PTPRA: variants seen among roughly 807,000 people sequenced by gnomAD.
The protein encoded by PTPRA is receptor-type tyrosine-protein phosphatase alpha.
A neutral mutation model predicts 104.8 loss-of-function variants in PTPRA; 25 were observed. The observed-to-expected ratio is 0.24, with a 90% CI of 0.17 to 0.33. The LOEUF (loss-of-function observed/expected upper bound fraction) is 0.33. Among genes scored for constraint, PTPRA ranks in the 10% least tolerant of loss-of-function variants. The pLI is 1.00. For missense variants in PTPRA, 765 were observed against 1,015.3 expected (o/e 0.75, Z 3.35); for synonymous variants, 323 against 368.9 (o/e 0.88, Z 1.43).
intron 9 of PTPRA, among the ~76,000 whole-genome samples, chr20:2,988,972 G>A (rs2063024641): frequency 6.6e-6 from 1 of 152,250 alleles, no homozygotes; most frequent in Non-Finnish European, 1.5e-5. Flanking sequence ...AGTGTTTAAA[G>A]TAGACAGTGG....
intron 2 of PTPRA, among the ~76,000 whole-genome samples, chr20:2,942,896 T>A (rs1443861971): frequency 6.6e-6 from 1 of 152,074 alleles, no homozygotes; most frequent in Admixed American, 6.6e-5. Flanking sequence ...TTCCTATACA[T>A]ACATAGCTGT....
At chr20:3,001,519 A>G (rs2063625841) in intron 9 of PTPRA, among the ~76,000 whole-genome samples, 1 of 152,236 alleles carries the variant, frequency 6.6e-6, no homozygotes, top group Non-Finnish European at 1.5e-5. Flanking sequence ...CAGGAAAACT[A>G]GTGCCTCTGG....
intron 1 of PTPRA, among the ~76,000 whole-genome samples, chr20:2,896,744 G>A (rs781468357): frequency 6.6e-5 from 10 of 152,000 alleles, no homozygotes; most frequent in Non-Finnish European, 4.4e-5. Context: ...GTCTTTTATA[G>A]CAAAAACAAA....
At chr20:2,974,319 G>A (rs965586271) in intron 5 of PTPRA, among the ~76,000 whole-genome samples, 1 of 151,740 alleles carries the variant, frequency 6.6e-6, no homozygotes, top group Non-Finnish European at 1.5e-5. Flanking sequence ...GTGTGATCTT[G>A]GGTCACTGCA....
intron 2 of PTPRA, among the ~76,000 whole-genome samples, chr20:2,935,876 G>A (rs1260407598): frequency 2.0e-5 from 3 of 152,204 alleles, no homozygotes; most frequent in African/African-American, 7.2e-5. Flanking sequence ...AATTAGCCGG[G>A]CGTGGCTGTG....
chr20:2,980,506 C>T (rs184496634), intron 6 of PTPRA, among the ~76,000 whole-genome samples: 18 of 151,952 alleles, frequency 1.2e-4, no homozygotes, highest in Middle Eastern at 3.4e-3. Context: ...ACCAAGATCA[C>T]GCCAGTGCAC....
rs1438116136 is a variant in PTPRA, at chr20:3,035,590, G to A, written c.1926G>A (p.Lys642=). 3 of 1,611,302 alleles carry A rather than the reference G, an allele frequency of 1.9e-6. No homozygotes were observed. The highest frequency in any genetic ancestry group is 2.5e-6 in the Non-Finnish European group (3 of 1,177,404). Residue 642 remains lysine (K), a synonymous_variant, in exon 21 of 24, where the codon AAG becomes AAA. Coordinates refer to ENST00000399903, the MANE Select transcript of PTPRA (RefSeq NM_001385305.1). This position sits in a 1 kb window ranked among gnomAD's most constrained non-coding sequence, Gnocchi z 5.8. The part of the protein sequence containing the change: ...LTELEERGQE[K]CAQYWPSDGL... ...TCTCCAACCTGTCTCTCCAGGAGAA[G>A]TGTGCCCAGTACTGGCCATCTGATG... is the stretch of plus-strand genomic sequence containing the variant.
chr20:2,984,124 G>A (rs1021762779), intron 6 of PTPRA, among the ~76,000 whole-genome samples: 2 of 151,920 alleles, frequency 1.3e-5, no homozygotes, highest in Non-Finnish European at 2.9e-5. Flanking sequence ...CTCATTTTAA[G>A]GTGAGAGCCA....
chr20:2,898,076 C>A (rs904367159), intron 1 of PTPRA, among the ~76,000 whole-genome samples: 2 of 151,450 alleles, frequency 1.3e-5, no homozygotes, highest in East Asian at 3.9e-4. Flanking sequence ...CCACACCTGG[C>A]TAATTTTTCT....
chr20:2,912,796 A>G lies in PTPRA; in HGVS notation c.-128-10411A>G, dbSNP rs560143307. 9.8e-5 allele frequency among the ~76,000 whole-genome samples: 15 copies of G among 152,356 alleles called. No homozygotes were observed. In the South Asian group the frequency reaches 3.1e-3, roughly 32 times the overall value. On this transcript the variant is annotated intron_variant, in intron 1 of 23. Transcript: ENST00000399903. Reference sequence around the variant, plus strand: ...ACATTTCCAACATCACAAAAGTTCTATTGCAGAATGCTATGAAAATGAGAT... The same window carrying G: ...ACATTTCCAACATCACAAAAGTTCTGTTGCAGAATGCTATGAAAATGAGAT...
intron 1 of PTPRA, among the ~76,000 whole-genome samples, chr20:2,894,450 T>C (rs2058915582): frequency 6.6e-6 from 1 of 152,180 alleles, no homozygotes; most frequent in South Asian, 2.1e-4. Context: ...TTTCCAAGGC[T>C]GGTCTAAATG....
intron 1 of PTPRA, among the ~76,000 whole-genome samples, chr20:2,892,952 G>A (rs1217494384): frequency 6.6e-6 from 1 of 152,214 alleles, no homozygotes; most frequent in Non-Finnish European, 1.5e-5. Flanking sequence ...TCAGAAGGAA[G>A]CCAGCATTAA....
chr20:2,976,093 T>C (rs1330189120), intron 6 of PTPRA, among the ~76,000 whole-genome samples: 1 of 152,182 alleles, frequency 6.6e-6, no homozygotes, highest in Non-Finnish European at 1.5e-5. Context: ...TCTTCCTTTA[T>C]GTGATGTCCA....
intron 3 of PTPRA, among the ~76,000 whole-genome samples, chr20:2,958,203 A>G (rs1227953980): frequency 6.6e-6 from 1 of 152,196 alleles, no homozygotes; most frequent in Non-Finnish European, 1.5e-5. Context: ...TGTGGTAGAC[A>G]TAACAGAGAG....
chr20:2,864,605 A>T, the PTPRA span: 1 of 1,614,130 alleles, frequency 6.2e-7, no homozygotes, highest in Non-Finnish European at 8.5e-7. This position sits in a 1 kb window ranked among gnomAD's most constrained non-coding sequence, Gnocchi z 5.2. Flanking sequence ...GATGACAATC[A>T]CCAGGAATTG....
At chr20:2,864,929 C>G in the PTPRA span, 2 of 1,610,360 alleles carry the variant, frequency 1.2e-6, no homozygotes, top group African/African-American at 1.3e-5. This position sits in a 1 kb window ranked among gnomAD's most constrained non-coding sequence, Gnocchi z 5.2. Context: ...GTGAGGAGGG[C>G]GAGGGTCCTG....
At chr20:2,923,135 T>C in intron 1 of PTPRA, 72 bp from the exon 2 acceptor site, 1 of 630,610 alleles carries the variant, frequency 1.6e-6, no homozygotes, top group Non-Finnish European at 2.2e-6. Context: ...AGGCTGGGCT[T>C]GAATTCCTAA....
intron 10 of PTPRA, among the ~76,000 whole-genome samples, chr20:3,005,557 A>T (rs2063824669): frequency 6.6e-6 from 1 of 151,910 alleles, no homozygotes; most frequent in South Asian, 2.1e-4. Context: ...TCTCAAAAAA[A>T]TAAAGTAAAA....
chr20:2,902,631 C>G (rs777797543), intron 1 of PTPRA, among the ~76,000 whole-genome samples: 13 of 152,166 alleles, frequency 8.5e-5, no homozygotes, highest in African/African-American at 1.2e-4. Context: ...TTAAATGATT[C>G]AGTTAAGTGA....
Sources: gnomAD v4.1 joint callset for allele counts (sites outside exome capture counted in the v4.1 genomes callset) on GRCh38, gnomAD v4.1.1 for gene constraint, Gnocchi (gnomAD v3.1) non-coding constraint, MANE v1.5 for transcripts, NCBI Gene and HGNC (gene_info 2026-07-23, HGNC 2026-07-21) for gene names.